AIG1: variants seen among roughly 807,000 people sequenced by gnomAD.
AIG1 encodes the protein androgen-induced gene 1 protein.
A neutral mutation model predicts 31.4 loss-of-function variants in AIG1; 23 were observed. The ratio of observed to expected loss-of-function variants is 0.73; its 90% CI spans 0.53 to 1.04. The LOEUF is 1.04. Among genes scored for constraint, AIG1 ranks in the 50% least tolerant of loss-of-function variants. The probability of loss-of-function intolerance (pLI) is 0.00; values close to 1 mark genes in which losing one functional copy is unlikely to be tolerated. For synonymous variants in AIG1, 100 were observed against 110.5 expected (o/e 0.90, Z 0.60); for missense variants, 274 against 295.0 (o/e 0.93, Z 0.52).
intron 3 of AIG1, among the ~76,000 whole-genome samples, chr6:143,232,949 TC>T (rs1363721042): frequency 6.6e-6 from 1 of 152,150 alleles, no homozygotes; most frequent in Non-Finnish European, 1.5e-5. Flanking sequence ...GCCTCCTGTT[TC>T]TTCTGTTCTG....
chr6:143,163,206 G>A (rs908237237), intron 2 of AIG1, among the ~76,000 whole-genome samples: 1 of 152,198 alleles, frequency 6.6e-6, no homozygotes, highest in Non-Finnish European at 1.5e-5. Context: ...CACATGATCA[G>A]CCCTAATTGG....
intron 3 of AIG1, among the ~76,000 whole-genome samples, chr6:143,211,122 G>C (rs1562492832): frequency 6.6e-6 from 1 of 152,060 alleles, no homozygotes; most frequent in Non-Finnish European, 1.5e-5. Context: ...ATATTGATGG[G>C]GAAACTGAGC....
intron 4 of AIG1, among the ~76,000 whole-genome samples, chr6:143,305,274 A>G (rs1442317796): frequency 6.6e-6 from 1 of 151,946 alleles, no homozygotes; most frequent in African/African-American, 2.4e-5. Flanking sequence ...TAGCTTTTGA[A>G]TGTGTTTGCT....
At chr6:143,177,836 C>G (rs1788316117) in intron 3 of AIG1, among the ~76,000 whole-genome samples, 1 of 152,178 alleles carries the variant, frequency 6.6e-6, no homozygotes, top group East Asian at 1.9e-4. Context: ...GAGGGATGCA[C>G]TTGAGCATGA....
At chr6:143,223,273 C>T (rs991036888) in intron 3 of AIG1, among the ~76,000 whole-genome samples, 31 of 152,264 alleles carry the variant, frequency 2.0e-4, no homozygotes, top group Non-Finnish European at 3.1e-4. Flanking sequence ...AAAATCAGAA[C>T]GTTCCAAAAT....
intron 3 of AIG1, among the ~76,000 whole-genome samples, chr6:143,207,100 T>C (rs1791168517): frequency 6.6e-6 from 1 of 152,150 alleles, no homozygotes; most frequent in African/African-American, 2.4e-5. Flanking sequence ...GAGGAACAAG[T>C]GAGGGGAGTT....
At chr6:143,132,338 A>G (rs1349796327) in intron 1 of AIG1, among the ~76,000 whole-genome samples, 1 of 152,122 alleles carries the variant, frequency 6.6e-6, no homozygotes, top group African/African-American at 2.4e-5. Flanking sequence ...GTTTCTGTTT[A>G]TCTGAAAAAG....
At chr6:143,301,625 G>A (rs1409907192) in intron 4 of AIG1, among the ~76,000 whole-genome samples, 1 of 152,198 alleles carries the variant, frequency 6.6e-6, no homozygotes, top group East Asian at 1.9e-4. Context: ...GAAGTACAGA[G>A]CAAAGGTGTG....
At chr6:143,157,403 C>T (rs1785888767) in intron 2 of AIG1, among the ~76,000 whole-genome samples, 2 of 149,576 alleles carry the variant, frequency 1.3e-5, no homozygotes, top group South Asian at 4.2e-4. Context: ...GTCCCAGTTT[C>T]TGAATTTCCT....
rs929013262 is a variant in AIG1 at position 143,075,495 on chromosome 6, G to A, written c.141+14429G>A. Among the ~76,000 whole-genome samples the A allele has an allele frequency of 4.6e-5, 7 of 151,974 alleles. No individual in the cohort carries two copies. The South Asian group carries it at 8.3e-4, about 18-fold the overall frequency. ...ATTTTTTGTACTTTTTGGTAGGGACGGGGTTTTGCCATGTTGCCCAGGTTG... is the reference window on the plus strand; with the variant it reads ...ATTTTTTGTACTTTTTGGTAGGGACAGGGTTTTGCCATGTTGCCCAGGTTG... On this transcript the variant is annotated intron_variant, in intron 1 of 5. Transcript: ENST00000357847.
intron 3 of AIG1, among the ~76,000 whole-genome samples, chr6:143,283,417 A>T (rs1049497711): frequency 1.3e-5 from 2 of 152,216 alleles, no homozygotes; most frequent in African/African-American, 4.8e-5. Context: ...GTGCACACAT[A>T]ATTTGGCATT....
At chr6:143,254,026 ACGGACC>A (rs778454407) in intron 3 of AIG1, among the ~76,000 whole-genome samples, 1 of 152,174 alleles carries the variant, frequency 6.6e-6, no homozygotes, top group Non-Finnish European at 1.5e-5. Flanking sequence ...CTCAGCTCCC[ACGGACC>A]GTTTCCTCTT....
At chr6:143,087,762 T>C (rs1051630955) in intron 1 of AIG1, among the ~76,000 whole-genome samples, 1 of 152,226 alleles carries the variant, frequency 6.6e-6, no homozygotes, top group African/African-American at 2.4e-5. Flanking sequence ...TTTAAGAGAA[T>C]ATCTTAACTT....
chr6:143,153,513 A>T (rs1222959135), intron 2 of AIG1, among the ~76,000 whole-genome samples: 1 of 152,050 alleles, frequency 6.6e-6, no homozygotes, highest in Non-Finnish European at 1.5e-5. Context: ...ATGCCTGGCT[A>T]ATTTTTTTGT....
At chr6:143,259,301 T>C (rs1032398886) in intron 3 of AIG1, among the ~76,000 whole-genome samples, 4 of 152,234 alleles carry the variant, frequency 2.6e-5, no homozygotes, top group Non-Finnish European at 2.9e-5. Flanking sequence ...AGAACATCAA[T>C]AGACATTTTT....
chr6:143,263,919 T>A (rs1009742956), intron 3 of AIG1, among the ~76,000 whole-genome samples: 3 of 152,242 alleles, frequency 2.0e-5, no homozygotes, highest in Admixed American at 1.3e-4. Context: ...TGTTTATTTC[T>A]TTTATTTAGG....
At chr6:143,222,270 C>T (rs1013239273) in intron 3 of AIG1, among the ~76,000 whole-genome samples, 1 of 152,134 alleles carries the variant, frequency 6.6e-6, no homozygotes, top group African/African-American at 2.4e-5. Context: ...AAGGACCCTC[C>T]AGGACTCCCT....
At chr6:143,339,617 A>G in intron 5 of AIG1, 22 bp from the exon 6 acceptor site, 1 of 1,611,948 alleles carries the variant, frequency 6.2e-7, no homozygotes, top group Non-Finnish European at 8.5e-7. Context: ...GCTCAAATAA[A>G]ACACTTTGCC....
chr6:143,075,195 C>T (rs2128464404), intron 1 of AIG1, among the ~76,000 whole-genome samples: 1 of 152,198 alleles, frequency 6.6e-6, no homozygotes, highest in Non-Finnish European at 1.5e-5. Context: ...TTTTCTTTAT[C>T]AGTCTGGGTA....
Sources: allele counts gnomAD v4.1 joint callset (sites outside exome capture counted in the v4.1 genomes callset), GRCh38; gene constraint gnomAD v4.1.1; transcripts MANE v1.5; gene names NCBI Gene and HGNC (gene_info 2026-07-23, HGNC 2026-07-21).